The following PLAGL1 variants were observed in gnomAD, a reference collection of about 807,000 sequenced individuals.
PLAGL1 encodes zinc finger protein PLAGL1.
Under a neutral mutation model 4.6 loss-of-function variants are expected in PLAGL1, and 1 was observed. The observed-to-expected ratio is 0.22, with a 90% CI of 0.08 to 1.03. The LOEUF is 1.03. Ranked by LOEUF, PLAGL1 falls within the 50% of genes least tolerant of loss-of-function variation. PLAGL1 has a pLI of 0.58. For synonymous variants in PLAGL1, 240 were observed against 237.8 expected (o/e 1.01, Z -0.08); for missense variants, 464 against 570.4 (o/e 0.81, Z 1.90).
chr6:144,051,898 T>C lies in PLAGL1; in HGVS notation c.-151+12570A>G, dbSNP rs150885765. Among the ~76,000 whole-genome samples, 105 of 152,318 alleles carry C rather than the reference T, an allele frequency of 6.9e-4. No homozygotes were observed. In the East Asian group the frequency reaches 0.017, roughly 25 times the overall value. On this transcript the variant is annotated intron_variant, in intron 1 of 3. Coordinates refer to the PLAGL1 transcript ENST00000437412. ...GGGTTACTCCCACGACATGTGGGAA[T>C]TGTGGGAGTTACAATTCAAGATGAA... is the stretch of plus-strand genomic sequence containing the variant.
chr6:144,037,415 C>CAAAAAAAAAAA (rs34570725), intron 1 of PLAGL1: 4 of 88,148 alleles, frequency 4.5e-5, no homozygotes. Flanking sequence ...CCATCTCTAC[C>CAAAAAAAAAAA]AAAAAAAAAA....
In PLAGL1 at chr6:143,959,466, G is replaced by T. The variant is rs74770109; in HGVS notation, c.-325+1003C>A. Among the ~76,000 whole-genome samples the T allele has an allele frequency of 6.6e-6, 1 of 152,038 alleles. No homozygotes were observed. The highest frequency in any genetic ancestry group is 1.9e-4 in the East Asian group (1 of 5,200). On this transcript the variant is annotated intron_variant, in intron 6 of 7. Transcript: ENST00000674357. This position sits in a 1 kb window ranked among gnomAD's most constrained non-coding sequence, Gnocchi z 5.3. ...CTCCCAGCCCTAACTAGAACTGCTA[G>T]GTCCTAGTAGATATGTTGGCCCTGT...
rs1797841790 is a variant in PLAGL1 at position 144,042,829 on chromosome 6, T to C, written c.-151+21639A>G. ...GAGCATGGAATGTTCTTCCATTTGT[T>C]TGTGTTCTCTTTTATTTTGTTGAGC... On this transcript the variant is annotated intron_variant, in intron 1 of 3. Coordinates refer to the PLAGL1 transcript ENST00000437412. Among the ~76,000 whole-genome samples the C allele has an allele frequency of 1.3e-5, 2 of 152,220 alleles. 1 individual carries two copies. Among genetic ancestry groups the C allele is most frequent in the South Asian group, 4.1e-4 (2 of 4,828 alleles).
Position 144,036,109 on chromosome 6 carries a change from C to T in PLAGL1, c.-151+28359G>A, listed in dbSNP as rs777522176. ...GGACACCCCAGGTGGACCCAGAGGG[C>T]AGCTACAAGCCGACTTTTATGCTCT... On this transcript the variant is annotated intron_variant, in intron 1 of 3. Transcript: ENST00000437412. The surrounding 1 kb of genome is among the most constrained non-coding windows in gnomAD (Gnocchi z 5.1). 6.6e-6 allele frequency among the ~76,000 whole-genome samples: 1 copy of T among 152,184 alleles called. No homozygotes were observed. Among genetic ancestry groups the T allele is most frequent in the Non-Finnish European group, 1.5e-5 (1 of 68,036 alleles).
At chr6:143,956,590 C>T (rs191779430) in intron 6 of PLAGL1, among the ~76,000 whole-genome samples, 84 of 152,320 alleles carry the variant, frequency 5.5e-4, no homozygotes, top group Non-Finnish European at 9.7e-4. Flanking sequence ...ATCTCTTCTA[C>T]TAGAAGAAGG....
In PLAGL1 at chr6:144,053,971, T is replaced by C. The variant is rs144728700; in HGVS notation, c.-151+10497A>G. ...AGAACACCATCAACTTCAAAATCCA[T>C]CAGGAAAGGGATATTCATTTCTCTA... On this transcript the variant is annotated intron_variant, in intron 1 of 3. Transcript: ENST00000437412. This position sits in a 1 kb window ranked among gnomAD's most constrained non-coding sequence, Gnocchi z 4.0. Among the ~76,000 whole-genome samples the C allele has an allele frequency of 5.7e-3, 862 of 152,254 alleles. 8 individuals are homozygous for C. The highest frequency in any genetic ancestry group is 7.6e-3 in the Non-Finnish European group (520 of 68,014).
rs1784863048 is a variant in PLAGL1, at chr6:143,968,587, G to A, written c.-472+320C>T. The stretch of plus-strand genomic sequence containing the variant: ...GATAAGTAAAAATCAACTGTACAAT[G>A]CCCATGATTTCTAATTTAAGACAGA... On this transcript the variant is annotated intron_variant, in intron 3 of 7. Transcript: ENST00000674357. The surrounding 1 kb of genome is among the most constrained non-coding windows in gnomAD (Gnocchi z 6.3). 1 of 152,108 alleles carries A rather than the reference G, an allele frequency of 6.6e-6. No individual in the cohort carries two copies. The highest frequency in any genetic ancestry group is 1.9e-4 in the East Asian group (1 of 5,208). 9.4% of individuals were successfully genotyped at this position (152,108 alleles called of 1,614,324 possible).
chr6:143,957,321 C>A lies in PLAGL1; in HGVS notation c.-325+3148G>T, dbSNP rs898233580. 6.6e-6 allele frequency among the ~76,000 whole-genome samples: 1 copy of A among 152,116 alleles called. No individual in the cohort carries two copies. Among genetic ancestry groups the A allele is most frequent in the Non-Finnish European group, 1.5e-5 (1 of 68,014 alleles). ...TGGTGGGGGGGTGAGGGGTGGAGAG[C>A]AACTCCCAAAATCCAGACAAGAGCC... On this transcript the variant is annotated intron_variant, in intron 6 of 7. Coordinates refer to ENST00000674357, the MANE Select transcript of PLAGL1 (RefSeq NM_001317162.2). This position sits in a 1 kb window ranked among gnomAD's most constrained non-coding sequence, Gnocchi z 4.2.
intron 7 of PLAGL1, among the ~76,000 whole-genome samples, chr6:143,944,486 G>A (rs1779323284): frequency 6.6e-6 from 1 of 152,158 alleles, no homozygotes; most frequent in Non-Finnish European, 1.5e-5. Flanking sequence ...CCTGCTGTGT[G>A]CATCCCTTCC....
rs1354969349 is a variant in PLAGL1 at position 143,995,984 on chromosome 6, G to A, written c.-583-10810C>T. Among the ~76,000 whole-genome samples, 5 of 152,152 alleles carry A rather than the reference G, an allele frequency of 3.3e-5. No homozygotes were observed. Among genetic ancestry groups the A allele is most frequent in the Non-Finnish European group, 5.9e-5 (4 of 68,032 alleles). ...AAATATCAAGGATAAAGGATGGTCA[G>A]GAGCTCAACCAAAACCAAAAACGGT... On this transcript the variant is annotated intron_variant, in intron 1 of 7. Coordinates refer to ENST00000674357, the MANE Select transcript of PLAGL1 (RefSeq NM_001317162.2). The surrounding 1 kb of genome is among the most constrained non-coding windows in gnomAD (Gnocchi z 4.4).
chr6:144,030,765 G>A (rs1413105562), intron 1 of PLAGL1, among the ~76,000 whole-genome samples: 1 of 152,176 alleles, frequency 6.6e-6, no homozygotes, highest in African/African-American at 2.4e-5. Flanking sequence ...ATTTGGGCTG[G>A]TTCCATATTT....
intron 2 of PLAGL1, among the ~76,000 whole-genome samples, chr6:143,977,615 G>C (rs928007787): frequency 2.0e-5 from 3 of 151,164 alleles, no homozygotes; most frequent in Non-Finnish European, 1.5e-5. Context: ...TGGGACTACA[G>C]GTATAGTCTG....
rs1330126313 is a variant in PLAGL1, at chr6:143,985,028, T to A, written c.-544+107A>T. Reference sequence around the variant, plus strand: ...ATTTAAGAACCAAATAACAAAAAAGTTTTGCTCCAATTTTTGCTCTAGGAG... The same window carrying A: ...ATTTAAGAACCAAATAACAAAAAAGATTTGCTCCAATTTTTGCTCTAGGAG... On this transcript the variant is annotated intron_variant, in intron 2 of 7. Coordinates refer to ENST00000674357, the MANE Select transcript of PLAGL1 (RefSeq NM_001317162.2). This position sits in a 1 kb window ranked among gnomAD's most constrained non-coding sequence, Gnocchi z 4.4. The A allele has an allele frequency of 6.6e-6, 1 of 152,032 alleles. No individual in the cohort carries two copies. The highest frequency in any genetic ancestry group is 1.5e-5 in the Non-Finnish European group (1 of 67,984). The allele number at this position is 152,032 out of a possible 1,614,324, so 9.4% of individuals were successfully genotyped here.
upstream of PLAGL1, among the ~76,000 whole-genome samples, chr6:144,009,008 C>T (rs1794916737): frequency 6.6e-6 from 1 of 152,146 alleles, no homozygotes; most frequent in Non-Finnish European, 1.5e-5. Flanking sequence ...ATCTCTATTG[C>T]TTTCTTCCCT....
chr6:144,002,483 A>C (rs1035266205), intron 1 of PLAGL1, among the ~76,000 whole-genome samples: 1 of 151,976 alleles, frequency 6.6e-6, no homozygotes, highest in Non-Finnish European at 1.5e-5. Flanking sequence ...TATTTAAACC[A>C]TTTTTTTTCC....
At chr6:144,026,487 AT>A (rs1796351605) in intron 1 of PLAGL1, among the ~76,000 whole-genome samples, 1 of 152,204 alleles carries the variant, frequency 6.6e-6, no homozygotes, top group Non-Finnish European at 1.5e-5. Flanking sequence ...TCCAGAAAGA[AT>A]TTATAGCAGC....
At chr6:144,047,275 G>A (rs1798236286) in intron 1 of PLAGL1, among the ~76,000 whole-genome samples, 1 of 152,154 alleles carries the variant, frequency 6.6e-6, no homozygotes, top group Non-Finnish European at 1.5e-5. Flanking sequence ...CCTGTCTTCT[G>A]CATCGATCAC....
Position 143,970,451 on chromosome 6 carries a change from A to G in PLAGL1, c.-543-1473T>C, listed in dbSNP as rs930716133. Among the ~76,000 whole-genome samples, 5 of 152,230 alleles carry G rather than the reference A, an allele frequency of 3.3e-5. No individual in the cohort carries two copies. Among genetic ancestry groups the G allele is most frequent in the African/African-American group, 1.2e-4 (5 of 41,458 alleles). On this transcript the variant is annotated intron_variant, in intron 2 of 7. Transcript: ENST00000674357. This position sits in a 1 kb window ranked among gnomAD's most constrained non-coding sequence, Gnocchi z 5.8. The stretch of plus-strand genomic sequence containing the variant: ...TACAGATGATCTTTATAATAGTCAT[A>G]TCTGATCTTATACAACTGACACATT...
In PLAGL1 at chr6:143,941,377, T is replaced by G; in HGVS notation, c.*47A>C. The G allele has an allele frequency of 7.1e-7, 1 of 1,411,580 alleles. No homozygotes were observed. Among genetic ancestry groups the G allele is most frequent in the Non-Finnish European group, 9.5e-7 (1 of 1,051,420 alleles). 87.4% of individuals were successfully genotyped at this position (1,411,580 alleles called of 1,614,324 possible). ...ATATTGTAACTGACATTTAAAATGCTTCTTAAAACATCTTCCAGAATACGA... is the reference window on the plus strand; with the variant it reads ...ATATTGTAACTGACATTTAAAATGCGTCTTAAAACATCTTCCAGAATACGA... On this transcript the variant is annotated 3_prime_UTR_variant, in exon 8 of 8. Transcript: ENST00000674357. This position sits in a 1 kb window ranked among gnomAD's most constrained non-coding sequence, Gnocchi z 6.0.
Sources: gnomAD v4.1 joint callset for allele counts (sites outside exome capture counted in the v4.1 genomes callset) on GRCh38, gnomAD v4.1.1 for gene constraint, Gnocchi (gnomAD v3.1) non-coding constraint, MANE v1.5 for transcripts, NCBI Gene and HGNC (gene_info 2026-07-23, HGNC 2026-07-21) for gene names.